Variants in NXPE2 observed in about 807,000 individuals in gnomAD.
NXPE2 encodes neurexophilin and PC-esterase domain family member 2.
Under a neutral mutation model 34.4 loss-of-function variants are expected in NXPE2, and 34 were observed. The ratio of observed to expected loss-of-function variants is 0.99; its 90% confidence interval spans 0.75 to 1.31. The LOEUF is 1.31. Ranked by LOEUF, NXPE2 falls within the 40% of genes most tolerant of loss-of-function variation. NXPE2 has a pLI of 0.00. For missense variants in NXPE2, 649 were observed against 672.5 expected, an observed-to-expected ratio of 0.97 and a Z score of 0.39; for synonymous variants, 235 against 231.3, an observed-to-expected ratio of 1.02 and a Z score of -0.15.
chr11:114,643,676 T>C, the NXPE2 span, among the ~76,000 whole-genome samples: 1 of 152,136 alleles, frequency 6.6e-6, no homozygotes, highest in Non-Finnish European at 1.5e-5. Context: ...TAGTATAGTT[T>C]AAAGTCAGGT....
chr11:114,494,878 T>A, the NXPE2 span, among the ~76,000 whole-genome samples: 1 of 152,074 alleles, frequency 6.6e-6, no homozygotes. Flanking sequence ...GGGACTTGTG[T>A]GTTGTGATGT....
At chr11:114,769,122 A>C in the NXPE2 span, among the ~76,000 whole-genome samples, 1 of 152,132 alleles carries the variant, frequency 6.6e-6, no homozygotes, top group South Asian at 2.1e-4. Flanking sequence ...AGAAAAAAAA[A>C]CAACCCCATC....
the NXPE2 span, among the ~76,000 whole-genome samples, chr11:114,586,820 T>C: frequency 1.3e-5 from 2 of 152,190 alleles, no homozygotes; most frequent in African/African-American, 4.8e-5. Context: ...CCACTCTCTG[T>C]ATGCAATGCT....
At chr11:114,634,077 C>T in the NXPE2 span, among the ~76,000 whole-genome samples, 1 of 151,538 alleles carries the variant, frequency 6.6e-6, no homozygotes, top group East Asian at 1.9e-4. Context: ...ACAGTTCCAC[C>T]AACAGTGTAA....
At chr11:114,470,901 T>C in the NXPE2 span, among the ~76,000 whole-genome samples, 1 of 152,168 alleles carries the variant, frequency 6.6e-6, no homozygotes, top group Non-Finnish European at 1.5e-5. Flanking sequence ...AAAAAATACC[T>C]TTACAGCAAC....
chr11:114,757,319 T>C, the NXPE2 span, among the ~76,000 whole-genome samples: 1 of 151,848 alleles, frequency 6.6e-6, no homozygotes. Flanking sequence ...CTTTCATACT[T>C]ACCACTTTCT....
the NXPE2 span, among the ~76,000 whole-genome samples, chr11:114,613,201 C>A: frequency 6.6e-6 from 1 of 151,854 alleles, no homozygotes; most frequent in Non-Finnish European, 1.5e-5. Context: ...ACCACTGTTA[C>A]CTGGTGGATA....
chr11:114,478,609 G>A, the NXPE2 span, among the ~76,000 whole-genome samples: 1 of 152,118 alleles, frequency 6.6e-6, no homozygotes, highest in Non-Finnish European at 1.5e-5. Context: ...TCTCACTGGA[G>A]ACTAGAGAAG....
chr11:114,638,892 G>C, the NXPE2 span, among the ~76,000 whole-genome samples: 1 of 148,324 alleles, frequency 6.7e-6, no homozygotes, highest in Admixed American at 6.7e-5. Context: ...GTGCCTCCTA[G>C]TTAGGCTGCT....
chr11:114,724,241 A>T, the NXPE2 span, among the ~76,000 whole-genome samples: 1 of 152,080 alleles, frequency 6.6e-6, no homozygotes, highest in East Asian at 1.9e-4. Context: ...CAATTCTTCC[A>T]CCAGATCCTA....
chr11:114,772,395 T>C, the NXPE2 span, among the ~76,000 whole-genome samples: 1 of 152,092 alleles, frequency 6.6e-6, no homozygotes, highest in African/African-American at 2.4e-5. Flanking sequence ...AAAGTTCTGA[T>C]TCTAAATCCT....
the NXPE2 span, among the ~76,000 whole-genome samples, chr11:114,799,311 A>AAAAAAAAAAAAAG: frequency 1.5e-5 from 2 of 133,022 alleles, no homozygotes; most frequent in African/African-American, 2.7e-5. Context: ...AAAAAAAAAA[A>AAAAAAAAAAAAAG]AAAATTGGTG....
the NXPE2 span, among the ~76,000 whole-genome samples, chr11:114,764,427 TAAAA>T: frequency 3.7e-4 from 55 of 150,042 alleles, no homozygotes; most frequent in Admixed American, 1.7e-3. Flanking sequence ...TAGTTTTCTT[TAAAA>T]AAAAAAAAAA....
the NXPE2 span, among the ~76,000 whole-genome samples, chr11:114,778,317 T>C: frequency 3.9e-5 from 6 of 152,182 alleles, no homozygotes; most frequent in Non-Finnish European, 7.3e-5. Context: ...GTCAAAATCA[T>C]GCAGGGTCTT....
chr11:114,575,390 G>A, the NXPE2 span, among the ~76,000 whole-genome samples: 1 of 152,170 alleles, frequency 6.6e-6, no homozygotes, highest in Non-Finnish European at 1.5e-5. Flanking sequence ...TTGGTAAAGA[G>A]GAAGTCAAAC....
chr11:114,641,746 C>T, the NXPE2 span, among the ~76,000 whole-genome samples: 1 of 151,998 alleles, frequency 6.6e-6, no homozygotes, highest in Admixed American at 6.6e-5. Context: ...AAGTGGGCAA[C>T]GTTCTAGTAC....
chr11:114,673,701 A>G (rs148094458), upstream of NXPE2, among the ~76,000 whole-genome samples: 1 of 151,890 alleles, frequency 6.6e-6, no homozygotes, highest in South Asian at 2.1e-4. Flanking sequence ...AGAGAAAGTT[A>G]AACTTGGGAA....
chr11:114,690,131 A>G (rs961761218), intron 2 of NXPE2, among the ~76,000 whole-genome samples: 1 of 152,094 alleles, frequency 6.6e-6, no homozygotes, highest in African/African-American at 2.4e-5. Context: ...TTCCTGCCAC[A>G]GTGTTGTTGG....
chr11:114,513,240 T>TAAG, the NXPE2 span: 168 of 524,486 alleles, frequency 3.2e-4, no homozygotes, highest in Admixed American at 3.6e-4. Context: ...TCTCGAGGGT[T>TAAG]GAGGATGGTG....
Sources: gnomAD v4.1 joint callset for allele counts (sites outside exome capture counted in the v4.1 genomes callset) on GRCh38, gnomAD v4.1.1 for gene constraint, MANE v1.5 for transcripts, NCBI Gene and HGNC (gene_info 2026-07-23, HGNC 2026-07-21) for gene names.